SLC26A3: variants seen among roughly 807,000 people sequenced by gnomAD.
The protein encoded by SLC26A3 is solute carrier family 26 member 3.
Under a neutral mutation model 85.6 loss-of-function variants are expected in SLC26A3, and 64 were observed. That is an observed-to-expected ratio of 0.75 (90% CI 0.61 to 0.92). The LOEUF is 0.92. SLC26A3 is among the 40% of genes least tolerant of loss of function. The pLI is 0.00. For missense variants in SLC26A3, 922 were observed against 927.3 expected (o/e 0.99, Z 0.07); for synonymous variants, 349 against 336.0 (o/e 1.04, Z -0.42).
intron 20 of SLC26A3, 31 bp downstream of exon 20, chr7:107,767,548 A>G (rs942407257): frequency 3.3e-6 from 5 of 1,511,762 alleles, no homozygotes; most frequent in Non-Finnish European, 4.6e-6. Context: ...TGTGATGTCT[A>G]GGTGAAGATA....
rs142349142 is a variant in SLC26A3 at position 107,791,834 on chromosome 7, G to C, written c.378C>G (p.Ser126=). The C allele has an allele frequency of 1.1e-5, 18 of 1,597,208 alleles. No individual in the cohort carries two copies. Among genetic ancestry groups the C allele is most frequent in the Non-Finnish European group, 1.4e-5 (16 of 1,164,854 alleles). The change falls in exon 4 of 21, where the codon TCC becomes TCG. Residue 126 remains serine, a synonymous_variant. Transcript: ENST00000340010. ...TCAGCTCAGTAACTGACTTACCCAC[G>C]GATATGTGTCTGGAAGTGCCGAAGA... ...YLFFGTSRHI[S]VGPFPILSMM...
At chr7:107,801,694 C>T (rs917721557) in intron 1 of SLC26A3, among the ~76,000 whole-genome samples, 1 of 151,920 alleles carries the variant, frequency 6.6e-6, no homozygotes, top group African/African-American at 2.4e-5. Context: ...TTACTTATTC[C>T]CTTATCCAGA....
intron 12 of SLC26A3, 47 bp from the exon 13 acceptor site, chr7:107,778,328 G>T: frequency 2.0e-5 from 19 of 958,464 alleles, no homozygotes; most frequent in Non-Finnish European, 2.9e-5. Context: ...TTTGATTAAA[G>T]TACAATGTCG....
At chr7:107,793,194 T>A (rs1794431926) in intron 3 of SLC26A3, among the ~76,000 whole-genome samples, 1 of 152,184 alleles carries the variant, frequency 6.6e-6, no homozygotes, top group Non-Finnish European at 1.5e-5. Flanking sequence ...CACAAATGAT[T>A]AAATATAGAG....
intron 4 of SLC26A3, 149 bp from the exon 5 acceptor site, chr7:107,791,384 G>A (rs1794399524): frequency 2.4e-6 from 2 of 823,586 alleles, no homozygotes; most frequent in African/African-American, 1.7e-5. Context: ...GGCCGAGGCG[G>A]GTGGATCACC....
chr7:107,773,861 AT>A (rs373192955), intron 17 of SLC26A3, 58 bp downstream of exon 17: 3,706 of 1,303,062 alleles, frequency 2.8e-3, no homozygotes, highest in Non-Finnish European at 3.5e-3. Flanking sequence ...CACAAATACA[AT>A]TTTTTTTTTA....
chr7:107,779,509 T>C (rs1397807907), intron 12 of SLC26A3, among the ~76,000 whole-genome samples, 159 bp downstream of exon 12: 2 of 152,182 alleles, frequency 1.3e-5, no homozygotes, highest in East Asian at 3.8e-4. Context: ...CATTAGAATA[T>C]GCAATTTAAA....
At chr7:107,776,237 T>G (rs1367446803) in intron 15 of SLC26A3, 2 of 590,676 alleles carry the variant, frequency 3.4e-6, no homozygotes, top group Non-Finnish European at 6.0e-6. Flanking sequence ...TCTTCTATAT[T>G]AGATGTCATC....
In SLC26A3 at chr7:107,791,484, T is replaced by C. The variant is rs574597575; in HGVS notation, c.383-249A>G. 2.6e-4 allele frequency among the ~76,000 whole-genome samples: 39 copies of C among 152,222 alleles called. No individual in the cohort carries two copies. In the South Asian group the frequency reaches 7.7e-3, roughly 30 times the overall value. On this transcript the variant is annotated intron_variant, in intron 4 of 20. Coordinates refer to ENST00000340010, the MANE Select transcript of SLC26A3 (RefSeq NM_000111.3). ...AAAATTAGTCAGGCGTGATGGTGCA[T>C]GCCTGTAATCCCAGCTACTTGGGAG...
chr7:107,779,612 G>T, intron 12 of SLC26A3, 56 bp downstream of exon 12: 1 of 1,307,212 alleles, frequency 7.6e-7, no homozygotes. Context: ...TTTCACATTA[G>T]CATTAAAATG....
chr7:107,781,764 AG>A (rs1794217774), intron 11 of SLC26A3, among the ~76,000 whole-genome samples: 1 of 152,164 alleles, frequency 6.6e-6, no homozygotes, highest in African/African-American at 2.4e-5. Flanking sequence ...CTGGGACCAC[AG>A]TCACCGTTCG....
intron 6 of SLC26A3, among the ~76,000 whole-genome samples, 195 bp downstream of exon 6, chr7:107,789,329 C>T (rs1249392091): frequency 6.6e-6 from 1 of 151,166 alleles, no homozygotes; most frequent in Non-Finnish European, 1.5e-5. Context: ...ACTGTGTTAG[C>T]CAGGATGGTC....
intron 12 of SLC26A3, 27 bp downstream of exon 12, chr7:107,779,641 C>A: frequency 6.5e-7 from 1 of 1,539,128 alleles, no homozygotes; most frequent in Non-Finnish European, 9.0e-7. Flanking sequence ...ATTTATCTCT[C>A]TTTCAAATAC....
chr7:107,791,089 C>A lies in SLC26A3; in HGVS notation c.529G>T (p.Ala177Ser). The change falls in exon 5 of 21, where the codon GCG becomes TCG. Residue 177 changes from alanine (A) to serine (S), a missense_variant. Ala to Ser is a moderately conservative substitution (Grantham distance 99). Coordinates refer to ENST00000340010, the MANE Select transcript of SLC26A3 (RefSeq NM_000111.3). ...SLLDDERVRV[A>S]AAASVTVLSG... ...AGCACTGTGACTGATGCCGCCGCCG[C>A]CACCCTCACCCTCTCGTCATCCAGT... 1.2e-6 allele frequency: 2 copies of A among 1,614,180 alleles called. No homozygotes were observed. Among genetic ancestry groups the A allele is most frequent in the Non-Finnish European group, 1.7e-6 (2 of 1,180,036 alleles).
At chr7:107,774,697 A>T in intron 16 of SLC26A3, 80 bp downstream of exon 16, 1 of 1,023,364 alleles carries the variant, frequency 9.8e-7, no homozygotes, top group Non-Finnish European at 1.6e-6. Flanking sequence ...CATTTCATTT[A>T]AAGGAATGGA....
chr7:107,770,522 T>C (rs2115799335), intron 18 of SLC26A3, among the ~76,000 whole-genome samples: 1 of 151,802 alleles, frequency 6.6e-6, no homozygotes, highest in South Asian at 2.1e-4. Context: ...CTTTCTGGAG[T>C]GCTAAGATTA....
intron 13 of SLC26A3, among the ~76,000 whole-genome samples, chr7:107,777,878 C>T (rs1423394219): frequency 6.6e-6 from 1 of 152,192 alleles, no homozygotes; most frequent in Non-Finnish European, 1.5e-5. Context: ...AGAATTACTT[C>T]TGGTTTATAG....
chr7:107,768,553 A>C (rs1223610178), intron 18 of SLC26A3, among the ~76,000 whole-genome samples: 5 of 152,238 alleles, frequency 3.3e-5, no homozygotes, highest in African/African-American at 9.6e-5. Flanking sequence ...AGGAAGATAG[A>C]ACATTTATAT....
rs992544322 is a variant in SLC26A3 at position 107,790,804 on chromosome 7, G to A, written c.570+244C>T. ...AAGCATTTCGCTTGTCACTGTTTGT[G>A]CCTCTCCATTCCCCTTCTTCCTTCT... On this transcript the variant is annotated intron_variant, in intron 5 of 20. Coordinates refer to ENST00000340010, the MANE Select transcript of SLC26A3 (RefSeq NM_000111.3). Among the ~76,000 whole-genome samples the A allele has an allele frequency of 2.0e-5, 3 of 150,614 alleles. No individual in the cohort carries two copies. The South Asian group carries it at 6.3e-4, about 32-fold the overall frequency.
Sources: gnomAD v4.1 joint callset for allele counts (sites outside exome capture counted in the v4.1 genomes callset) on GRCh38, gnomAD v4.1.1 for gene constraint, MANE v1.5 for transcripts, NCBI Gene and HGNC (gene_info 2026-07-23, HGNC 2026-07-21) for gene names.